The following GLT1D1 variants were observed in gnomAD, a reference collection of about 807,000 sequenced individuals.
The protein encoded by GLT1D1 is glycosyltransferase 1 domain-containing protein 1.
A neutral mutation model predicts 28.7 loss-of-function variants in GLT1D1; 21 were observed. The ratio of observed to expected loss-of-function variants is 0.73; its 90% CI spans 0.52 to 1.05. GLT1D1 has a LOEUF of 1.05. Ranked by LOEUF, GLT1D1 falls within the 50% of genes least tolerant of loss-of-function variation. GLT1D1 has a pLI of 0.00. For missense variants in GLT1D1, 343 were observed against 330.6 expected, an observed-to-expected ratio of 1.04 and a Z score of -0.29; for synonymous variants, 147 against 124.8, an observed-to-expected ratio of 1.18 and a Z score of -1.19.
chr12:128,885,863 C>T (rs1957162930), intron 2 of GLT1D1, among the ~76,000 whole-genome samples: 1 of 152,186 alleles, frequency 6.6e-6, no homozygotes, highest in Non-Finnish European at 1.5e-5. Flanking sequence ...TACTTAGCCT[C>T]CTTTAGTAGC....
At position 128,908,239 on chromosome 12, in the gene GLT1D1, T is replaced by G. The variant is rs769819029; in HGVS notation, c.375+8952T>G. On this transcript the variant is annotated intron_variant, in intron 4 of 7. Coordinates refer to ENST00000281703, the MANE Select transcript of GLT1D1 (RefSeq NM_144669.3). ...GTGTTAACTTCATCTCTATTGCTGC[T>G]CCATATTGGACCTGACAGAATCCTA... 6.6e-5 allele frequency among the ~76,000 whole-genome samples: 10 copies of G among 152,276 alleles called. No homozygotes were observed. The South Asian group carries it at 8.3e-4, about 13-fold the overall frequency.
At chr12:128,972,266 A>G (rs1879255126) in intron 7 of GLT1D1, among the ~76,000 whole-genome samples, 1 of 152,226 alleles carries the variant, frequency 6.6e-6, no homozygotes, top group African/African-American at 2.4e-5. Context: ...ACCACCGCCC[A>G]TGCGGTCACT....
At chr12:128,963,074 T>G (rs905233858) in intron 7 of GLT1D1, among the ~76,000 whole-genome samples, 2 of 152,242 alleles carry the variant, frequency 1.3e-5, no homozygotes, top group African/African-American at 4.8e-5. Flanking sequence ...CTGTGACCTC[T>G]GCTCTGGATC....
At position 128,891,298 on chromosome 12, in the gene GLT1D1, C is replaced by T. The variant is rs184853697; in HGVS notation, c.323+2554C>T. ...TCATGAGGTGCTCAGTGGGCTTCCT[C>T]GGGGTTTGGCTGGACAGTCAAGGGG... On this transcript the variant is annotated intron_variant, in intron 3 of 7. Transcript: ENST00000281703. Among the ~76,000 whole-genome samples the T allele has an allele frequency of 1.6e-4, 24 of 152,082 alleles. No individual in the cohort carries two copies. The East Asian group carries it at 4.1e-3, about 26-fold the overall frequency.
chr12:128,903,033 A>G lies in GLT1D1; in HGVS notation c.375+3746A>G, dbSNP rs571234155. On this transcript the variant is annotated intron_variant, in intron 4 of 7. Coordinates refer to ENST00000281703, the MANE Select transcript of GLT1D1 (RefSeq NM_144669.3). Reference sequence around the variant, plus strand: ...CAAGACTCCGTCTCAAAAAAAAAAAAAAAGAAAGAAATATTTTACCTGTGG... The same window carrying G: ...CAAGACTCCGTCTCAAAAAAAAAAAGAAAGAAAGAAATATTTTACCTGTGG... Among the ~76,000 whole-genome samples the G allele has an allele frequency of 2.8e-4, 43 of 151,576 alleles. 3 individuals are homozygous for G. Among genetic ancestry groups the G allele is most frequent in the African/African-American group, 9.7e-4 (40 of 41,054 alleles).
intron 1 of GLT1D1, among the ~76,000 whole-genome samples, chr12:128,874,533 A>C (rs1266308921): frequency 1.5e-5 from 2 of 129,882 alleles, no homozygotes; most frequent in African/African-American, 6.0e-5. Flanking sequence ...CCTAGGCTGG[A>C]GTACAGTGGC....
intron 3 of GLT1D1, among the ~76,000 whole-genome samples, chr12:128,893,266 A>G (rs1869267306): frequency 6.6e-6 from 1 of 152,172 alleles, no homozygotes; most frequent in Non-Finnish European, 1.5e-5. Context: ...AAAGAAAAGA[A>G]AAAATTATCG....
intron 2 of GLT1D1, among the ~76,000 whole-genome samples, chr12:128,879,403 T>C (rs1256223181): frequency 4.3e-4 from 39 of 90,374 alleles, no homozygotes; most frequent in African/African-American, 1.3e-3. Context: ...TCTTTCTTTC[T>C]TTCTTTCTTT....
intron 3 of GLT1D1, among the ~76,000 whole-genome samples, chr12:128,891,698 T>C (rs988807611): frequency 1.3e-5 from 2 of 152,148 alleles, no homozygotes; most frequent in Non-Finnish European, 2.9e-5. Context: ...TAGGTGTCAG[T>C]CTCGCTTCTG....
intron 4 of GLT1D1, among the ~76,000 whole-genome samples, chr12:128,939,655 C>G (rs777524627): frequency 2.2e-4 from 34 of 152,140 alleles, no homozygotes; most frequent in Non-Finnish European, 3.7e-4. Flanking sequence ...AGAAGCACAG[C>G]CAGGGAATGC....
Position 128,914,957 on chromosome 12 carries a change from C to T in GLT1D1, c.375+15670C>T, listed in dbSNP as rs1047936149. ...GGAATTGCAACAACACCAAACGCCGCTTTTAACTGGAATACCTTTCTTCAA... is the reference window on the plus strand; with the variant it reads ...GGAATTGCAACAACACCAAACGCCGTTTTTAACTGGAATACCTTTCTTCAA... On this transcript the variant is annotated intron_variant, in intron 4 of 7. Transcript: ENST00000281703. 5 of 1,535,974 alleles carry T rather than the reference C, an allele frequency of 3.3e-6. No individual in the cohort carries two copies. The Admixed American group carries it at 9.8e-5, about 30-fold the overall frequency.
At chr12:128,970,838 A>G (rs1878966390) in intron 7 of GLT1D1, among the ~76,000 whole-genome samples, 1 of 152,176 alleles carries the variant, frequency 6.6e-6, no homozygotes, top group Admixed American at 6.5e-5. Context: ...TATAAACACC[A>G]GTCCCCAGCC....
At chr12:128,879,378 T>TTCCTTCCTTCCTTCCTTCCTTCCTTTC (rs200811517) in intron 2 of GLT1D1, among the ~76,000 whole-genome samples, 1 of 69,896 alleles carries the variant, frequency 1.4e-5, no homozygotes, top group Non-Finnish European at 2.9e-5. Flanking sequence ...ATTTTTTTCT[T>TTCCTTCCTTCCTTCCTTCCTTCCTTTC]TTTCTTTCTT....
intron 7 of GLT1D1, among the ~76,000 whole-genome samples, chr12:128,957,992 G>A (rs111639034): frequency 3.3e-4 from 50 of 152,376 alleles, no homozygotes; most frequent in African/African-American, 8.7e-4. Context: ...AAGGACGGGC[G>A]CCTATGCGAT....
intron 4 of GLT1D1, among the ~76,000 whole-genome samples, chr12:128,908,388 CTT>C (rs56209135): frequency 6.7e-4 from 84 of 126,124 alleles, no homozygotes; most frequent in South Asian, 1.4e-3. Context: ...CTTTCTCTTT[CTT>C]TCTCTCTCTC....
At chr12:128,863,945 C>CAAAAA (rs35052910) in intron 1 of GLT1D1, among the ~76,000 whole-genome samples, 3 of 56,144 alleles carry the variant, frequency 5.3e-5, no homozygotes, top group African/African-American at 1.4e-4. Context: ...GACTCCATCT[C>CAAAAA]AAAAAAAAAA....
intron 2 of GLT1D1, among the ~76,000 whole-genome samples, chr12:128,884,917 ATTT>A (rs35860101): frequency 1.5e-5 from 2 of 136,188 alleles, no homozygotes; most frequent in African/African-American, 2.7e-5. Flanking sequence ...AATTAGCTTG[ATTT>A]TTTTTTTTTT....
chr12:128,983,409 G>A lies in GLT1D1; in HGVS notation c.*319G>A. On this transcript the variant is annotated 3_prime_UTR_variant, in exon 8 of 8. Coordinates refer to ENST00000281703, the MANE Select transcript of GLT1D1 (RefSeq NM_144669.3). This position sits in a 1 kb window ranked among gnomAD's most constrained non-coding sequence, Gnocchi z 4.7. ...TTTGATTACCTGCCTTAGGGCTTTG[G>A]TGTGGACAATAGAGGCTTATTTTCA... is the stretch of plus-strand genomic sequence containing the variant. 1 of 287,422 alleles carries A rather than the reference G, an allele frequency of 3.5e-6. No homozygotes were observed. The highest frequency in any genetic ancestry group is 6.6e-5 in the South Asian group (1 of 15,094). The allele number at this position is 287,422 out of a possible 1,614,324, so 17.8% of individuals were successfully genotyped here.
intron 4 of GLT1D1, among the ~76,000 whole-genome samples, chr12:128,937,354 C>A (rs570688203): frequency 6.6e-6 from 1 of 152,234 alleles, no homozygotes; most frequent in East Asian, 1.9e-4. Context: ...GAGCATAGAA[C>A]TATATGCAGG....
Sources: gnomAD v4.1 joint callset for allele counts (sites outside exome capture counted in the v4.1 genomes callset) on GRCh38, gnomAD v4.1.1 for gene constraint, Gnocchi (gnomAD v3.1) non-coding constraint, MANE v1.5 for transcripts, NCBI Gene and HGNC (gene_info 2026-07-23, HGNC 2026-07-21) for gene names.